Variants in PPP1R21 observed in about 807,000 individuals in gnomAD.
The protein encoded by PPP1R21 is KLRAQ motif containing 1.
PPP1R21 carries 85 observed loss-of-function variants against 112.8 expected under a neutral mutation model. The observed-to-expected ratio is 0.75, with a 90% CI of 0.63 to 0.90. PPP1R21 has a LOEUF of 0.90. PPP1R21 is among the 40% of genes least tolerant of loss of function. The pLI, the probability that PPP1R21 is intolerant of heterozygous loss-of-function variation, is 0.00. For synonymous variants in PPP1R21, 381 were observed against 322.3 expected, an observed-to-expected ratio of 1.18 and a Z score of -1.95; for missense variants, 1,199 against 901.5, an observed-to-expected ratio of 1.33 and a Z score of -4.23.
At position 48,486,708 on chromosome 2, in the gene PPP1R21, A is replaced by G. The variant is rs747532256; in HGVS notation, c.1396A>G (p.Asn466Asp). 2.5e-6 allele frequency: 4 copies of G among 1,613,390 alleles called. No individual in the cohort carries two copies. Among genetic ancestry groups the G allele is most frequent in the East Asian group, 2.2e-5 (1 of 44,862 alleles). The change falls in exon 14 of 22, where the codon AAT becomes GAT. Residue 466 changes from asparagine (N) to aspartate (D), a missense_variant. Transcript: ENST00000294952. ...PTATQKLITTNDCILSSVVAL... is the reference protein window; with the variant it reads ...PTATQKLITTDDCILSSVVAL... The stretch of plus-strand genomic sequence containing the variant: ...AGCAACACAGAAGCTGATAACAACT[A>G]ATGACTGTATCCTGTCATCAGTAGT...
rs559310077 is a variant in PPP1R21 at position 48,451,019 on chromosome 2, G to C, written c.69G>C (p.Gln23His). The C allele has an allele frequency of 1.2e-6, 2 of 1,613,524 alleles. No individual in the cohort carries two copies. The highest frequency in any genetic ancestry group is 1.3e-5 in the African/African-American group (1 of 74,918). The change falls in exon 2 of 22, where the codon CAG becomes CAC. Residue 23 changes from glutamine to histidine, a missense_variant. Gln to His is a conservative substitution (Grantham distance 24). Coordinates refer to ENST00000294952, the MANE Select transcript of PPP1R21 (RefSeq NM_001135629.3). ...TTCTCTGTTTTCAGCTTCGGGCTCA[G>C]AATCAGGTTCTGAAAAAAGGTGTTG... ...LAQEYSKLRA[Q>H]NQVLKKGVVD...
intron 2 of PPP1R21, among the ~76,000 whole-genome samples, chr2:48,452,339 T>G (rs1312697832): frequency 6.6e-6 from 1 of 152,142 alleles, no homozygotes; most frequent in Non-Finnish European, 1.5e-5. Context: ...GCTAAGTCCA[T>G]TATGTCCATT....
chr2:48,441,209 C>T (rs1241936703), intron 1 of PPP1R21, 199 bp downstream of exon 1: 7 of 608,098 alleles, frequency 1.2e-5, no homozygotes, highest in South Asian at 9.6e-5. Flanking sequence ...TGTCTGCGTC[C>T]GTGAGCGTTT....
rs779018854 is a variant in PPP1R21, at chr2:48,510,019, G to A, written c.2090G>A (p.Arg697Gln). 174 of 1,610,948 alleles carry A rather than the reference G, an allele frequency of 1.1e-4. No individual in the cohort carries two copies. The highest frequency in any genetic ancestry group is 1.5e-4 in the Admixed American group (9 of 59,732). ...GAATGTTTTCTGATTTTACAGTGCC[G>A]AGCACTGTCTAAAAGACTGGCCTTG... ...SKSVHFYAEC[R>Q]ALSKRLALAE... Residue 697 changes from arginine (R) to glutamine (Q), a missense_variant, in exon 20 of 22, where the codon CGA becomes CAA. Physicochemically the swap from Arg to Gln is conservative, Grantham distance 43. Coordinates refer to ENST00000294952, the MANE Select transcript of PPP1R21 (RefSeq NM_001135629.3).
Position 48,486,614 on chromosome 2 carries a change from T to A in PPP1R21, c.1319-17T>A. On this transcript the variant is annotated splice_polypyrimidine_tract_variant and intron_variant, in intron 13 of 21. Coordinates refer to ENST00000294952, the MANE Select transcript of PPP1R21 (RefSeq NM_001135629.3). Reference sequence around the variant, plus strand: ...ATATATAGATAATAATGAATTTTCATGTAATTGCTTTTATAGATATTTCCA... The same window carrying A: ...ATATATAGATAATAATGAATTTTCAAGTAATTGCTTTTATAGATATTTCCA... 1 of 1,584,748 alleles carries A rather than the reference T, an allele frequency of 6.3e-7. No individual in the cohort carries two copies. The highest frequency in any genetic ancestry group is 8.7e-7 in the Non-Finnish European group (1 of 1,154,500).
chr2:48,456,033 AAAAT>A lies in PPP1R21; in HGVS notation c.273+1294_273+1297del, dbSNP rs1167574704. ...CTGTCTCAAAAAAAAAAAAAAAAAA[AAAAT>A]AGTAGCAGTTGAAACACTTATACCT... On this transcript the variant is annotated intron_variant, in intron 3 of 21. Coordinates refer to ENST00000294952, the MANE Select transcript of PPP1R21 (RefSeq NM_001135629.3). Among the ~76,000 whole-genome samples the A allele has an allele frequency of 1.7e-4, 24 of 143,150 alleles. 1 individual carries two copies. The highest frequency in any genetic ancestry group is 2.9e-4 in the Admixed American group (4 of 13,948). The allele number at this position is 143,150 out of a possible 152,430, so 93.9% of individuals were successfully genotyped here.
chr2:48,474,814 T>C lies in PPP1R21; in HGVS notation c.1220T>C (p.Leu407Ser). 6.2e-7 allele frequency: 1 copy of C among 1,611,994 alleles called. No individual in the cohort carries two copies. The highest frequency in any genetic ancestry group is 8.5e-7 in the Non-Finnish European group (1 of 1,179,310). Residue 407 changes from leucine to serine, a missense_variant, in exon 12 of 22, where the codon TTG (leucine) becomes TCG (serine). Coordinates refer to ENST00000294952, the MANE Select transcript of PPP1R21 (RefSeq NM_001135629.3). ...CAGACTTACATAGCTCTTCTTGCCT[T>C]GCCAAGTAAGTATGTTTGTTGCTTA... ...KLQTYIALLA[L>S]PSTEPDGLLR...
Position 48,514,870 on chromosome 2 carries a change from T to C in PPP1R21, c.*126T>C. On this transcript the variant is annotated 3_prime_UTR_variant, in exon 22 of 22. Transcript: ENST00000294952. ...TAAAGTATTGTTGGACCTAGTAAAC[T>C]AGTCAGTGTTGGAAACGGCCTTGAA... 1.2e-6 allele frequency: 1 copy of C among 861,070 alleles called. No individual in the cohort carries two copies. 53.3% of individuals were successfully genotyped at this position (861,070 alleles called of 1,614,324 possible).
intron 14 of PPP1R21, among the ~76,000 whole-genome samples, chr2:48,489,177 AT>A (rs1263315818): frequency 1.3e-5 from 2 of 152,182 alleles, no homozygotes; most frequent in Non-Finnish European, 2.9e-5. Flanking sequence ...ATATTCTTTA[AT>A]GTATACAAGA....
chr2:48,447,120 G>A (rs1335008113), intron 1 of PPP1R21, among the ~76,000 whole-genome samples: 3 of 152,160 alleles, frequency 2.0e-5, no homozygotes, highest in African/African-American at 7.2e-5. Flanking sequence ...AAACTGAATA[G>A]TTTAATTTTA....
chr2:48,458,396 A>C (rs986046114), intron 4 of PPP1R21, among the ~76,000 whole-genome samples, 169 bp downstream of exon 4: 11 of 152,246 alleles, frequency 7.2e-5, no homozygotes, highest in African/African-American at 2.4e-4. Context: ...AATATCACAC[A>C]GTCTTAATGT....
intron 1 of PPP1R21, among the ~76,000 whole-genome samples, chr2:48,443,078 T>C (rs1667102934): frequency 6.6e-6 from 1 of 152,162 alleles, no homozygotes; most frequent in African/African-American, 2.4e-5. Context: ...AGGGGCTAGA[T>C]TCAGGAATTA....
At chr2:48,456,164 T>A (rs1667717866) in intron 3 of PPP1R21, among the ~76,000 whole-genome samples, 1 of 152,086 alleles carries the variant, frequency 6.6e-6, no homozygotes. Flanking sequence ...TTTTTTGCCT[T>A]ATGGTTTTAT....
At chr2:48,500,900 C>T (rs1263166138) in intron 17 of PPP1R21, among the ~76,000 whole-genome samples, 3 of 151,566 alleles carry the variant, frequency 2.0e-5, no homozygotes, top group Non-Finnish European at 4.4e-5. Flanking sequence ...CAGAGCCAGA[C>T]TCTGTCTCTA....
intron 9 of PPP1R21, 58 bp from the exon 10 acceptor site, chr2:48,471,027 ATG>A: frequency 8.6e-7 from 1 of 1,168,734 alleles, no homozygotes; most frequent in South Asian, 1.3e-5. Context: ...CCATTTAGAA[ATG>A]TGTTGATGTT....
rs746795481 is a variant in PPP1R21, at chr2:48,493,011, C to CTTT, written c.1599+1862_1599+1864dup. 5.4e-3 allele frequency among the ~76,000 whole-genome samples: 523 copies of CTTT among 96,646 alleles called. 3 individuals are homozygous for CTTT. Among genetic ancestry groups the CTTT allele is most frequent in the Non-Finnish European group, 7.1e-3 (349 of 49,056 alleles). 63.4% of individuals were successfully genotyped at this position (96,646 alleles called of 152,430 possible). ...TAAATTCTCTCTTTAGGTCATTTACCTTTTTTTTTTTTTTTTTTTTTTTGA... is the reference window on the plus strand; with the variant it reads ...TAAATTCTCTCTTTAGGTCATTTACCTTTTTTTTTTTTTTTTTTTTTTTTTTGA... On this transcript the variant is annotated intron_variant, in intron 15 of 21. Coordinates refer to ENST00000294952, the MANE Select transcript of PPP1R21 (RefSeq NM_001135629.3).
chr2:48,504,634 C>T (rs1367957874), intron 17 of PPP1R21, among the ~76,000 whole-genome samples: 1 of 150,642 alleles, frequency 6.6e-6, no homozygotes, highest in Non-Finnish European at 1.5e-5. Context: ...GGGTGAGACT[C>T]TGTCTCAGAA....
At chr2:48,507,717 T>C (rs1670447026) in intron 19 of PPP1R21, among the ~76,000 whole-genome samples, 1 of 133,274 alleles carries the variant, frequency 7.5e-6, no homozygotes, top group Non-Finnish European at 1.6e-5. Flanking sequence ...TTTATTTCAA[T>C]AAATATAAGA....
intron 14 of PPP1R21, among the ~76,000 whole-genome samples, chr2:48,487,544 C>G (rs1669360833): frequency 6.6e-6 from 1 of 152,034 alleles, no homozygotes; most frequent in African/African-American, 2.4e-5. Flanking sequence ...GAGAGTATTG[C>G]TTGAGCCCAG....
Sources: gnomAD v4.1 joint callset for allele counts (sites outside exome capture counted in the v4.1 genomes callset) on GRCh38, gnomAD v4.1.1 for gene constraint, MANE v1.5 for transcripts, NCBI Gene and HGNC (gene_info 2026-07-23, HGNC 2026-07-21) for gene names.